The following PCDHA3 variants were observed in gnomAD, a reference collection of about 807,000 sequenced individuals.
The protein encoded by PCDHA3 is protocadherin alpha 3.
In PCDHA3, 41 loss-of-function variants were observed where a neutral mutation model predicts 62.2. The observed-to-expected ratio is 0.66, with a 90% CI of 0.51 to 0.86. The LOEUF is 0.86. Among genes scored for constraint, PCDHA3 ranks in the 40% least tolerant of loss-of-function variants. The pLI is 0.00. For missense variants in PCDHA3, 1,304 were observed against 1,241.2 expected (o/e 1.05, Z -0.76); for synonymous variants, 640 against 555.4 (o/e 1.15, Z -2.14).
chr5:140,814,564 T>C (rs1182489958), intron 1 of PCDHA3: 1 of 152,198 alleles, frequency 6.6e-6, no homozygotes, highest in Non-Finnish European at 1.5e-5. Flanking sequence ...GTATCAAGTA[T>C]TATGTACTGT....
intron 3 of PCDHA3, among the ~76,000 whole-genome samples, chr5:140,992,036 TG>T (rs2097488420): frequency 6.6e-6 from 1 of 151,818 alleles, no homozygotes; most frequent in African/African-American, 2.4e-5. Flanking sequence ...TGTGTGTGTG[TG>T]TGTGTGTGTG....
chr5:140,807,483 G>A lies in PCDHA3; in HGVS notation c.2394+3892G>A, dbSNP rs371525794. On this transcript the variant is annotated intron_variant, in intron 1 of 3. Coordinates refer to ENST00000522353, the MANE Select transcript of PCDHA3 (RefSeq NM_018906.3). ...GACCGGGAGGAGCTGTGCCGGCGGA[G>A]CGCGGAGTGCAGCATCCACCTGGAG... is the stretch of plus-strand genomic sequence containing the variant. 18 of 1,613,438 alleles carry A rather than the reference G, an allele frequency of 1.1e-5. No homozygotes were observed. In the African/African-American group the frequency reaches 1.7e-4, roughly 16 times the overall value.
intron 1 of PCDHA3, chr5:140,823,887 T>C: frequency 1.2e-6 from 2 of 1,613,952 alleles, no homozygotes; most frequent in Non-Finnish European, 1.7e-6. Context: ...TCGCCATCTG[T>C]GCGGTGTCCA....
In PCDHA3 at chr5:140,998,188, AG is replaced by A. The variant is rs375338994; in HGVS notation, c.2543-11438del. On this transcript the variant is annotated intron_variant, in intron 3 of 3. Transcript: ENST00000522353. ...CAAGTATTATTCTAAGCACTTTACAAGTATTAACTCCTTTAATCTGTATAAC... is the reference window on the plus strand; with the variant it reads ...CAAGTATTATTCTAAGCACTTTACAATATTAACTCCTTTAATCTGTATAAC... Among the ~76,000 whole-genome samples, 972 of 152,318 alleles carry A rather than the reference AG, an allele frequency of 6.4e-3. 14 individuals are homozygous for A. Among genetic ancestry groups the A allele is most frequent in the African/African-American group, 0.023 (946 of 41,556 alleles).
chr5:140,864,184 A>T (rs2153225198), intron 1 of PCDHA3: 1 of 152,304 alleles, frequency 6.6e-6, no homozygotes, highest in East Asian at 1.9e-4. Context: ...ATGATGAATA[A>T]TGATCCTTAT....
chr5:140,936,714 C>G (rs2091106727), intron 1 of PCDHA3, among the ~76,000 whole-genome samples: 1 of 152,198 alleles, frequency 6.6e-6, no homozygotes, highest in African/African-American at 2.4e-5. Context: ...TGTGCCAATA[C>G]ATTCTGTGTT....
intron 1 of PCDHA3, among the ~76,000 whole-genome samples, chr5:140,950,519 A>G (rs1359001168): frequency 6.6e-6 from 1 of 152,034 alleles, no homozygotes; most frequent in Non-Finnish European, 1.5e-5. Flanking sequence ...TGTGTGCGAT[A>G]TGATTGTTTT....
intron 3 of PCDHA3, among the ~76,000 whole-genome samples, chr5:141,000,251 G>C (rs2097898188): frequency 6.6e-6 from 1 of 151,264 alleles, no homozygotes; most frequent in Non-Finnish European, 1.5e-5. Context: ...GCTGACACCT[G>C]TGATCCTAGC....
At chr5:140,966,736 T>A in intron 1 of PCDHA3, 1 of 1,418,140 alleles carries the variant, frequency 7.1e-7, no homozygotes, top group Non-Finnish European at 9.2e-7. Context: ...CCTCCGGCCC[T>A]GCCCGGCTGC....
chr5:141,006,368 C>T (rs1395158727), intron 3 of PCDHA3, among the ~76,000 whole-genome samples: 2 of 152,072 alleles, frequency 1.3e-5, no homozygotes, highest in Non-Finnish European at 2.9e-5. Context: ...CCCACCACCA[C>T]GCCCGGCTAA....
chr5:140,845,146 T>C (rs1001510444), intron 1 of PCDHA3, among the ~76,000 whole-genome samples: 2 of 149,652 alleles, frequency 1.3e-5, no homozygotes, highest in African/African-American at 4.9e-5. Context: ...TTTGAACACA[T>C]TGTGTAAAAG....
In PCDHA3 at chr5:140,802,547, C is replaced by T. The variant is rs781978011; in HGVS notation, c.1350C>T (p.Asp450=). The change falls in exon 1 of 4, where the codon GAC becomes GAT. Residue 450 remains aspartate (D), a synonymous_variant. Coordinates refer to ENST00000522353, the MANE Select transcript of PCDHA3 (RefSeq NM_018906.3). ...CCGTGGAGGTGGCCGACGTGAACGA[C>T]AATGCGCCGGCATTCTCGCAGTCCG... The part of the protein sequence containing the change: ...SVSVEVADVN[D]NAPAFSQSEY... The T allele has an allele frequency of 2.5e-6, 4 of 1,614,196 alleles. No individual in the cohort carries two copies. The Admixed American group carries it at 6.7e-5, about 27-fold the overall frequency.
Position 140,857,604 on chromosome 5 carries a change from T to C in PCDHA3, c.2394+54013T>C, listed in dbSNP as rs1294714828. On this transcript the variant is annotated intron_variant, in intron 1 of 3. Transcript: ENST00000522353. ...GCGGAGAGCGGCAAGGTGTACGCGC[T>C]GCAGCCGCTGGACCACGAGGAGCTG... 5.0e-6 allele frequency: 8 copies of C among 1,596,244 alleles called. 1 individual carries two copies. Among genetic ancestry groups the C allele is most frequent in the Non-Finnish European group, 6.9e-6 (8 of 1,167,658 alleles).
At chr5:140,833,940 T>A (rs2150212257) in intron 1 of PCDHA3, among the ~76,000 whole-genome samples, 16 of 152,236 alleles carry the variant, frequency 1.1e-4, no homozygotes, top group Non-Finnish European at 1.9e-4. Context: ...GTCACTTAGG[T>A]TTCTATCTTT....
chr5:141,010,378 A>C lies in PCDHA3; in HGVS notation c.*441A>C. ...GCTACCGCGGGTATGCGAGTGCCAG[A>C]TATTGGCTGAGACGAGCCAGCTTAG... is the stretch of plus-strand genomic sequence containing the variant. On this transcript the variant is annotated 3_prime_UTR_variant, in exon 4 of 4. Coordinates refer to ENST00000522353, the MANE Select transcript of PCDHA3 (RefSeq NM_018906.3). 6.9e-7 allele frequency: 1 copy of C among 1,450,180 alleles called. No individual in the cohort carries two copies. Among genetic ancestry groups the C allele is most frequent in the Non-Finnish European group, 9.2e-7 (1 of 1,092,666 alleles). 89.8% of individuals were successfully genotyped at this position (1,450,180 alleles called of 1,614,324 possible).
At chr5:140,982,054 G>T (rs565307071) in intron 2 of PCDHA3, among the ~76,000 whole-genome samples, 1 of 152,322 alleles carries the variant, frequency 6.6e-6, no homozygotes, top group East Asian at 1.9e-4. Context: ...AAATATTTTA[G>T]TGTGTTTTCT....
intron 1 of PCDHA3, among the ~76,000 whole-genome samples, chr5:140,838,525 T>C (rs1165394742): frequency 6.6e-6 from 1 of 151,996 alleles, no homozygotes; most frequent in Non-Finnish European, 1.5e-5. Flanking sequence ...CATCTTATTT[T>C]CTTTTATGGA....
At chr5:140,821,299 A>G (rs1290042518) in intron 1 of PCDHA3, among the ~76,000 whole-genome samples, 1 of 152,208 alleles carries the variant, frequency 6.6e-6, no homozygotes, top group Non-Finnish European at 1.5e-5. Context: ...TCCTCCCTAT[A>G]TAAAATACAC....
chr5:140,929,226 C>G lies in PCDHA3; in HGVS notation c.2395-49723C>G, dbSNP rs782065898. ...TGTTGCGTGGGGAGTACAATGCTGC[C>G]GACCTGCGAAATCTTGCCACTGGGG... is the stretch of plus-strand genomic sequence containing the variant. On this transcript the variant is annotated intron_variant, in intron 1 of 3. Transcript: ENST00000522353. 5.0e-6 allele frequency: 8 copies of G among 1,613,768 alleles called. No homozygotes were observed. In the South Asian group the frequency reaches 8.8e-5, roughly 18 times the overall value.
Sources: allele counts gnomAD v4.1 joint callset (sites outside exome capture counted in the v4.1 genomes callset), GRCh38; gene constraint gnomAD v4.1.1; transcripts MANE v1.5; gene names NCBI Gene and HGNC (gene_info 2026-07-23, HGNC 2026-07-21).